The following MOG variants were observed in gnomAD, a reference collection of about 807,000 sequenced individuals.
MOG encodes myelin oligodendrocyte glycoprotein, also known as myelin-oligodendrocyte glycoprotein.
MOG carries 20 observed loss-of-function variants against 35.9 expected under a neutral mutation model. The ratio of observed to expected loss-of-function variants is 0.56; its 90% CI spans 0.39 to 0.81. The LOEUF (loss-of-function observed/expected upper bound fraction) is 0.81, where lower values mean the gene tolerates loss of function less well. Ranked by LOEUF, MOG falls within the 30% of genes least tolerant of loss-of-function variation. MOG has a pLI of 0.00. For synonymous variants in MOG, 92 were observed against 114.3 expected (o/e 0.80, Z 1.25); for missense variants, 251 against 301.0 (o/e 0.83, Z 1.23).
chr6:29,659,830 T>C, intron 2 of MOG, 164 bp downstream of exon 2: 1 of 675,432 alleles, frequency 1.5e-6, no homozygotes, highest in African/African-American at 1.8e-5. Flanking sequence ...GGGATGTCTG[T>C]TGCATCATTA....
intron 1 of MOG, among the ~76,000 whole-genome samples, chr6:29,658,690 G>A (rs982091775): frequency 2.0e-5 from 3 of 152,228 alleles, no homozygotes; most frequent in African/African-American, 7.2e-5. Flanking sequence ...CTGGGCTGAA[G>A]AGTCAGAGAT....
intron 5 of MOG, among the ~76,000 whole-genome samples, chr6:29,669,849 C>A (rs1401441871): frequency 6.6e-6 from 1 of 152,066 alleles, no homozygotes; most frequent in Non-Finnish European, 1.5e-5. Flanking sequence ...TGGCTCACTG[C>A]AACCTCCGCC....
chr6:29,665,393 G>A (rs1340375018), intron 2 of MOG, among the ~76,000 whole-genome samples: 1 of 152,038 alleles, frequency 6.6e-6, no homozygotes, highest in African/African-American at 2.4e-5. Flanking sequence ...ACCGCACCTG[G>A]CCAATATTTG....
In MOG at chr6:29,657,834, G is replaced by A. The variant is rs185411434; in HGVS notation, c.88+537G>A. On this transcript the variant is annotated intron_variant, in intron 1 of 7. Coordinates refer to ENST00000376917, the MANE Select transcript of MOG (RefSeq NM_206809.4). ...TAATTTTTTTATTTTTAGTAGAGAT[G>A]GGGTTTCACCATGTTGGCCAGGCTG... 5.3e-5 allele frequency among the ~76,000 whole-genome samples: 8 copies of A among 151,974 alleles called. No individual in the cohort carries two copies. The East Asian group carries it at 1.4e-3, about 26-fold the overall frequency.
chr6:29,658,965 A>T (rs943138241), intron 1 of MOG, among the ~76,000 whole-genome samples: 3 of 152,112 alleles, frequency 2.0e-5, no homozygotes, highest in Non-Finnish European at 4.4e-5. Flanking sequence ...TACAAAAATT[A>T]GCTGGATGCG....
intron 2 of MOG, among the ~76,000 whole-genome samples, chr6:29,663,451 G>A (rs547347013): frequency 6.6e-6 from 1 of 152,126 alleles, no homozygotes; most frequent in Non-Finnish European, 1.5e-5. Flanking sequence ...TTCTTTTAGC[G>A]AGATTCAAAT....
chr6:29,657,370 C>T (rs1767329797), intron 1 of MOG, 73 bp downstream of exon 1: 11 of 1,096,244 alleles, frequency 1.0e-5, no homozygotes, highest in Admixed American at 4.0e-5. Flanking sequence ...GGCTTAGCTC[C>T]TTCAAACATC....
chr6:29,661,619 G>A (rs9468576), intron 2 of MOG: 1 of 895,926 alleles, frequency 1.1e-6, no homozygotes, highest in African/African-American at 1.8e-5. Context: ...TCGGGAGTTC[G>A]AGACTAGCCT....
intron 2 of MOG, chr6:29,664,663 G>A (rs914282431): frequency 1.1e-5 from 5 of 449,930 alleles, no homozygotes; most frequent in African/African-American, 8.1e-5. Flanking sequence ...TGGTTGCAGT[G>A]GCACGATCAT....
chr6:29,657,217 G>A lies in MOG; in HGVS notation c.8G>A (p.Ser3Asn), dbSNP rs775400607. Reference sequence around the variant, plus strand: ...TCCCCAGGAACAGTAGAGATGGCAAGCTTATCAAGACCCTCTCTGCCCAGC... The same window carrying A: ...TCCCCAGGAACAGTAGAGATGGCAAACTTATCAAGACCCTCTCTGCCCAGC... MA[S>N]LSRPSLPSCL... is the part of the protein sequence containing the mutation. The change falls in exon 1 of 8, where the codon AGC becomes AAC. Residue 3 changes from serine (S) to asparagine (N), a missense_variant. Transcript: ENST00000376917. 1.9e-6 allele frequency: 3 copies of A among 1,610,438 alleles called. No individual in the cohort carries two copies. The highest frequency in any genetic ancestry group is 2.2e-5 in the South Asian group (2 of 90,878).
At chr6:29,671,067 A>G (rs1224977140) in intron 7 of MOG, 105 bp from the exon 8 acceptor site, 4 of 1,612,460 alleles carry the variant, frequency 2.5e-6, no homozygotes, top group Non-Finnish European at 3.4e-6. Flanking sequence ...TTGAGGCAGG[A>G]ATGGAGACAA....
chr6:29,671,228 C>T lies in MOG; in HGVS notation c.*43C>T. The T allele has an allele frequency of 6.2e-7, 1 of 1,612,622 alleles. No homozygotes were observed. ...CAGGGGTGGAGGAGAGCCTGGTTGC[C>T]CAGGGATTTGTCCTTGGGGACATCT... On this transcript the variant is annotated 3_prime_UTR_variant, in exon 8 of 8. Coordinates refer to ENST00000376917, the MANE Select transcript of MOG (RefSeq NM_206809.4).
chr6:29,670,660 C>A lies in MOG; in HGVS notation c.710-41C>A. The A allele has an allele frequency of 6.2e-7, 1 of 1,609,592 alleles. No individual in the cohort carries two copies. Among genetic ancestry groups the A allele is most frequent in the Admixed American group, 1.7e-5 (1 of 59,564 alleles). On this transcript the variant is annotated intron_variant, in intron 6 of 7. Transcript: ENST00000376917. The surrounding 1 kb of genome is among the most constrained non-coding windows in gnomAD (Gnocchi z 4.2). ...GGGAGGATGTGGGGAAGGTGCTATT[C>A]ATCTTCCACTAATCACATATTTGTT...
chr6:29,670,972 T>G lies in MOG; in HGVS notation c.731-200T>G. On this transcript the variant is annotated intron_variant, in intron 7 of 7. Coordinates refer to ENST00000376917, the MANE Select transcript of MOG (RefSeq NM_206809.4). This position sits in a 1 kb window ranked among gnomAD's most constrained non-coding sequence, Gnocchi z 4.2. ...GCCACCTGATCCATTCCTCCTTCAC[T>G]GCCCCTAAGCAGGAATCCAACCCTA... 1 of 1,612,322 alleles carries G rather than the reference T, an allele frequency of 6.2e-7. No homozygotes were observed. The highest frequency in any genetic ancestry group is 8.5e-7 in the Non-Finnish European group (1 of 1,179,812).
chr6:29,669,360 G>A (rs1277792640), intron 5 of MOG, among the ~76,000 whole-genome samples: 4 of 151,338 alleles, frequency 2.6e-5, no homozygotes, highest in African/African-American at 7.3e-5. Context: ...GCACAATCTC[G>A]GCTCACTGCA....
intron 1 of MOG, among the ~76,000 whole-genome samples, chr6:29,657,741 C>A (rs1206773211): frequency 6.7e-6 from 1 of 148,494 alleles, no homozygotes; most frequent in Admixed American, 6.8e-5. Context: ...GATCTCTTGA[C>A]CTGCTGATCC....
chr6:29,660,560 GCGCACA>G (rs1210662895), intron 2 of MOG, among the ~76,000 whole-genome samples: 2 of 97,724 alleles, frequency 2.0e-5, no homozygotes, highest in African/African-American at 3.5e-5. Context: ...GTATTTGTGA[GCGCACA>G]CACACACACA....
intron 2 of MOG, chr6:29,664,034 G>T (rs1030888604): frequency 2.8e-6 from 1 of 360,316 alleles, no homozygotes; most frequent in Non-Finnish European, 3.9e-6. Context: ...GGAGATTAGA[G>T]TGGGGCTTTT....
At chr6:29,667,717 A>G (rs377009437) in intron 4 of MOG, 54 bp downstream of exon 4, 9 of 1,607,608 alleles carry the variant, frequency 5.6e-6, no homozygotes, top group Non-Finnish European at 6.0e-6. Context: ...TTTTGGCATA[A>G]CGGAAATGGT....
Sources: allele counts gnomAD v4.1 joint callset (sites outside exome capture counted in the v4.1 genomes callset), GRCh38; gene constraint gnomAD v4.1.1; non-coding constraint Gnocchi (gnomAD v3.1); transcripts MANE v1.5; gene names NCBI Gene and HGNC (gene_info 2026-07-23, HGNC 2026-07-21).